ANKFN1: variants seen among roughly 807,000 people sequenced by gnomAD.
ANKFN1 encodes the protein ankyrin repeat and fibronectin type III domain containing 1.
In ANKFN1, 74 loss-of-function variants were observed where a neutral mutation model predicts 108.7. The observed-to-expected ratio is 0.68, with a 90% CI of 0.56 to 0.83. ANKFN1 has a LOEUF of 0.83. Among genes scored for constraint, ANKFN1 ranks in the 40% least tolerant of loss-of-function variants. The pLI is 0.00. For missense variants in ANKFN1, 1,505 were observed against 1,382.3 expected, an observed-to-expected ratio of 1.09 and a Z score of -1.41; for synonymous variants, 547 against 516.2, an observed-to-expected ratio of 1.06 and a Z score of -0.81.
At chr17:56,429,395 T>C (rs964607671) in intron 8 of ANKFN1, among the ~76,000 whole-genome samples, 1 of 152,208 alleles carries the variant, frequency 6.6e-6, no homozygotes, top group Non-Finnish European at 1.5e-5. Flanking sequence ...AGATAGTAAA[T>C]ATTTTAGGCT....
chr17:56,202,621 T>G (rs1914160556), intron 1 of ANKFN1, among the ~76,000 whole-genome samples: 1 of 152,186 alleles, frequency 6.6e-6, no homozygotes, highest in Non-Finnish European at 1.5e-5. Flanking sequence ...ATTCATCTTT[T>G]GGGGACCAAT....
chr17:56,070,437 G>C (rs964467600), intron 4 of ANKFN1, among the ~76,000 whole-genome samples: 6 of 152,046 alleles, frequency 3.9e-5, no homozygotes, highest in African/African-American at 1.4e-4. Context: ...ACTCTTTTTT[G>C]TTATAAGGAC....
chr17:56,207,632 A>G (rs989260366), intron 1 of ANKFN1, among the ~76,000 whole-genome samples: 14 of 150,710 alleles, frequency 9.3e-5, no homozygotes, highest in African/African-American at 3.2e-4. Context: ...CTCATTCTCC[A>G]CTCTTTTCAG....
chr17:56,432,701 G>A (rs932164301), intron 8 of ANKFN1, among the ~76,000 whole-genome samples: 1 of 152,162 alleles, frequency 6.6e-6, no homozygotes, highest in Admixed American at 6.5e-5. Context: ...CCTGGAGCCT[G>A]GCCACTGCAC....
intron 8 of ANKFN1, among the ~76,000 whole-genome samples, chr17:56,428,920 A>G (rs1216084111): frequency 1.5e-5 from 2 of 133,008 alleles, no homozygotes; most frequent in Non-Finnish European, 3.2e-5. Context: ...CTCTCATTTT[A>G]TTCATTCAAT....
In ANKFN1 at chr17:56,192,193, G is replaced by C. The variant is rs1198843070; in HGVS notation, c.-70-20405G>C. Among the ~76,000 whole-genome samples, 7 of 150,360 alleles carry C rather than the reference G, an allele frequency of 4.7e-5. 1 individual carries two copies. The South Asian group carries it at 1.5e-3, about 32-fold the overall frequency. Reference sequence around the variant, plus strand: ...TAAATGGTGCTGGGAAAACTGGCTAGCCATATGTAGAAAGCTGAAACTGGA... The same window carrying C: ...TAAATGGTGCTGGGAAAACTGGCTACCCATATGTAGAAAGCTGAAACTGGA... On this transcript the variant is annotated intron_variant, in intron 1 of 20. Coordinates refer to ENST00000682825, the MANE Select transcript of ANKFN1 (RefSeq NM_001370326.1).
At chr17:56,094,474 CTTTTTTTTTTTTTTT>C (rs60149030) in intron 4 of ANKFN1, among the ~76,000 whole-genome samples, 1 of 75,974 alleles carries the variant, frequency 1.3e-5, no homozygotes, top group Non-Finnish European at 2.3e-5. Context: ...GTTGTTTCTT[CTTTTTTTTTTTTTTT>C]TTTTTTTTTG....
intron 8 of ANKFN1, among the ~76,000 whole-genome samples, chr17:56,439,587 C>T (rs2049033898): frequency 6.6e-6 from 1 of 151,854 alleles, no homozygotes; most frequent in Admixed American, 6.6e-5. Context: ...CCACAAACCC[C>T]TTTTCCAATG....
At chr17:56,188,795 T>C (rs1332920959) in intron 1 of ANKFN1, among the ~76,000 whole-genome samples, 2 of 151,616 alleles carry the variant, frequency 1.3e-5, no homozygotes, top group Admixed American at 6.6e-5. Context: ...GGAGTGTCTT[T>C]TGCCCTAATG....
Position 56,085,349 on chromosome 17 carries a change from G to A in ANKFN1, c.288+39024G>A, listed in dbSNP as rs137941910. Among the ~76,000 whole-genome samples, 63 of 150,760 alleles carry A rather than the reference G, an allele frequency of 4.2e-4. 3 individuals carry two copies. Among genetic ancestry groups the A allele is most frequent in the African/African-American group, 1.2e-3 (51 of 41,084 alleles). ...TGACAAGTATTCTTGTCAGAGACACGCAGAGGAGAGAACAACATAGGAATA... is the reference window on the plus strand; with the variant it reads ...TGACAAGTATTCTTGTCAGAGACACACAGAGGAGAGAACAACATAGGAATA... On this transcript the variant is annotated intron_variant, in intron 4 of 12. Coordinates refer to the ANKFN1 transcript ENST00000635860.
chr17:56,364,524 A>G (rs1598464351), intron 6 of ANKFN1, among the ~76,000 whole-genome samples: 2 of 152,338 alleles, frequency 1.3e-5, no homozygotes, highest in African/African-American at 4.8e-5. Context: ...GGCAGAAAAC[A>G]TGGTTATCTT....
At position 56,492,190 on chromosome 17, in the gene ANKFN1, AT is replaced by A; in HGVS notation, c.2269del (p.Cys757AlafsTer23). 1 of 697,606 alleles carries A rather than the reference AT, an allele frequency of 1.4e-6. No individual in the cohort carries two copies. Among genetic ancestry groups the A allele is most frequent in the Non-Finnish European group, 2.6e-6 (1 of 380,712 alleles). 43.2% of individuals were successfully genotyped at this position (697,606 alleles called of 1,614,324 possible). On this transcript the variant is annotated frameshift_variant, in exon 19 of 21. Coordinates refer to ENST00000682825, the MANE Select transcript of ANKFN1 (RefSeq NM_001370326.1). LOFTEE classifies it high-confidence loss of function. Reference protein sequence around the residue: ...NLPLQMFELVHFCSYREKFIS... With the variant: ...NLPLQMFELVXFCSYREKFIS... ...ATTTTGCTTGTCCATTTTCCAGTTC[AT>A]TTTTGCAGCTACAGAGAGAAATTTA...
At chr17:56,360,416 G>T (rs1306891824) in intron 6 of ANKFN1, among the ~76,000 whole-genome samples, 1 of 152,280 alleles carries the variant, frequency 6.6e-6, no homozygotes, top group East Asian at 1.9e-4. Flanking sequence ...CAAGTCCAAA[G>T]TCTAAAATGA....
At chr17:56,329,925 C>T (rs1266042608) in intron 4 of ANKFN1, among the ~76,000 whole-genome samples, 1 of 152,178 alleles carries the variant, frequency 6.6e-6, no homozygotes, top group Non-Finnish European at 1.5e-5. Flanking sequence ...GTGTTTGAAG[C>T]AGAAAGTCAG....
At chr17:56,228,923 A>C (rs1916495861) in intron 3 of ANKFN1, among the ~76,000 whole-genome samples, 1 of 152,128 alleles carries the variant, frequency 6.6e-6, no homozygotes, top group South Asian at 2.1e-4. Flanking sequence ...TCCAAAGAGT[A>C]CAGTTGAATT....
At chr17:56,073,125 T>G (rs929947896) in intron 4 of ANKFN1, among the ~76,000 whole-genome samples, 7 of 151,150 alleles carry the variant, frequency 4.6e-5, no homozygotes, top group African/African-American at 1.7e-4. Flanking sequence ...CCCAAGTAGC[T>G]GGGACTACAG....
chr17:56,482,411 C>T lies in ANKFN1; in HGVS notation c.2147C>T (p.Ser716Phe). 1 of 1,613,450 alleles carries T rather than the reference C, an allele frequency of 6.2e-7. No individual in the cohort carries two copies. Residue 716 changes from serine to phenylalanine, a missense_variant, in exon 18 of 21, where the codon TCC becomes TTC. Coordinates refer to ENST00000682825, the MANE Select transcript of ANKFN1 (RefSeq NM_001370326.1). The stretch of plus-strand genomic sequence containing the variant: ...GTGTTGGAAATGGGTCACAATGTGT[C>T]CTTTCTTCTCCTGCTCCCTGCCTCA... ...QEVLEMGHNV[S>F]FLLLLPASDD...
intron 1 of ANKFN1, among the ~76,000 whole-genome samples, chr17:56,178,207 C>T (rs927427581): frequency 1.3e-5 from 2 of 152,066 alleles, no homozygotes; most frequent in East Asian, 1.9e-4. Flanking sequence ...TGATGAGACC[C>T]CAGAATGATC....
chr17:56,138,512 CTTTT>C (rs59070658), intron 4 of ANKFN1, among the ~76,000 whole-genome samples: 1 of 135,788 alleles, frequency 7.4e-6, no homozygotes. Flanking sequence ...TTTTTCTTTT[CTTTT>C]TTTTTTTTTT....
Sources: allele counts gnomAD v4.1 joint callset (sites outside exome capture counted in the v4.1 genomes callset), GRCh38; gene constraint gnomAD v4.1.1; transcripts MANE v1.5; gene names NCBI Gene and HGNC (gene_info 2026-07-23, HGNC 2026-07-21).